EEF1AKMT2: variants seen among roughly 807,000 people sequenced by gnomAD.
EEF1AKMT2 encodes eukaryotic translation elongation factor 1 alpha lysine methyltransferase 2.
A neutral mutation model predicts 35.8 loss-of-function variants in EEF1AKMT2; 32 were observed. The observed-to-expected ratio is 0.89, with a 90% CI of 0.67 to 1.20. The LOEUF is 1.20. EEF1AKMT2 is among the 50% of genes most tolerant of loss of function. The pLI, the probability that EEF1AKMT2 is intolerant of heterozygous loss-of-function variation, is 0.00. For missense variants in EEF1AKMT2, 330 were observed against 347.5 expected (o/e 0.95, Z 0.40); for synonymous variants, 121 against 133.7 (o/e 0.91, Z 0.65).
At chr10:124,774,974 AC>A (rs1950476102) in intron 3 of EEF1AKMT2, 192 bp from the exon 4 acceptor site, 1 of 246,524 alleles carries the variant, frequency 4.1e-6, no homozygotes, top group Admixed American at 5.5e-5. Context: ...CTATGACAAT[AC>A]CTTTGTTTTC....
Position 124,763,832 on chromosome 10 carries a change from T to C in EEF1AKMT2, c.617-1274A>G, listed in dbSNP as rs953471595. Among the ~76,000 whole-genome samples, 11 of 152,118 alleles carry C rather than the reference T, an allele frequency of 7.2e-5. No individual in the cohort carries two copies. In the South Asian group the frequency reaches 1.7e-3, roughly 23 times the overall value. On this transcript the variant is annotated intron_variant, in intron 5 of 6. Coordinates refer to ENST00000368836, the MANE Select transcript of EEF1AKMT2 (RefSeq NM_212554.4). ...TGAGCATTTATTAAAACTGTCAAAG[T>C]TCAGGAAGAGGAAAGACTTATTGAT...
chr10:124,765,655 C>T, intron 4 of EEF1AKMT2, 47 bp from the exon 5 acceptor site: 1 of 1,451,256 alleles, frequency 6.9e-7, no homozygotes, highest in Non-Finnish European at 9.5e-7. Context: ...AAACAAAATC[C>T]TTACAGAATG....
intron 3 of EEF1AKMT2, among the ~76,000 whole-genome samples, chr10:124,780,930 G>C (rs954718104): frequency 6.6e-6 from 1 of 151,802 alleles, no homozygotes; most frequent in African/African-American, 2.4e-5. Context: ...AGAAAACATG[G>C]AAGTCAAAAA....
intron 6 of EEF1AKMT2, among the ~76,000 whole-genome samples, chr10:124,761,711 G>T (rs1950332556): frequency 6.6e-6 from 1 of 152,128 alleles, no homozygotes. Flanking sequence ...ATCACTTAAG[G>T]CTAGGTATTC....
intron 4 of EEF1AKMT2, among the ~76,000 whole-genome samples, 183 bp downstream of exon 4, chr10:124,774,492 A>G (rs1340376490): frequency 6.6e-6 from 1 of 151,736 alleles, no homozygotes. Context: ...ACAAACATAC[A>G]GAAGAAAAAA....
chr10:124,775,340 G>A (rs770903749), intron 3 of EEF1AKMT2, among the ~76,000 whole-genome samples: 7 of 152,120 alleles, frequency 4.6e-5, no homozygotes, highest in Non-Finnish European at 1.0e-4. Flanking sequence ...GAGGTAGGGT[G>A]GGCAGGTATC....
At chr10:124,780,029 C>T (rs970953332) in intron 3 of EEF1AKMT2, among the ~76,000 whole-genome samples, 1 of 152,094 alleles carries the variant, frequency 6.6e-6, no homozygotes, top group Non-Finnish European at 1.5e-5. Context: ...CACGCCACTG[C>T]ACTCCAGCAC....
intron 3 of EEF1AKMT2, among the ~76,000 whole-genome samples, chr10:124,786,232 C>A (rs1012847507): frequency 6.6e-6 from 1 of 152,054 alleles, no homozygotes; most frequent in African/African-American, 2.4e-5. Flanking sequence ...CAGGGCCGGG[C>A]GTGGTGGCTC....
At chr10:124,772,628 A>C (rs1480077411) in intron 4 of EEF1AKMT2, among the ~76,000 whole-genome samples, 2 of 151,888 alleles carry the variant, frequency 1.3e-5, no homozygotes, top group African/African-American at 2.4e-5. Flanking sequence ...CAGTTTCAGC[A>C]TGTCGGCCAG....
intron 4 of EEF1AKMT2, among the ~76,000 whole-genome samples, chr10:124,768,893 C>A (rs983874336): frequency 2.6e-5 from 4 of 151,738 alleles, no homozygotes; most frequent in Non-Finnish European, 5.9e-5. Context: ...TCACAGGGAG[C>A]AATTGAGATA....
At chr10:124,787,199 T>G (rs1950592602) in intron 3 of EEF1AKMT2, among the ~76,000 whole-genome samples, 1 of 152,052 alleles carries the variant, frequency 6.6e-6, no homozygotes, top group Non-Finnish European at 1.5e-5. Flanking sequence ...CCACCTGCCT[T>G]GGCCTCCCAA....
intron 4 of EEF1AKMT2, among the ~76,000 whole-genome samples, chr10:124,773,565 T>C (rs1015451325): frequency 6.6e-6 from 1 of 152,040 alleles, no homozygotes; most frequent in Non-Finnish European, 1.5e-5. Context: ...CTAATTTCAA[T>C]ATTGCTGTGT....
intron 4 of EEF1AKMT2, 140 bp downstream of exon 4, chr10:124,774,535 A>G: frequency 4.6e-6 from 2 of 435,092 alleles, no homozygotes; most frequent in Non-Finnish European, 7.3e-6. Context: ...TTAAATTTTT[A>G]ATATGGCTAT....
chr10:124,768,436 C>T (rs746824030), intron 4 of EEF1AKMT2, among the ~76,000 whole-genome samples: 4 of 152,030 alleles, frequency 2.6e-5, no homozygotes, highest in South Asian at 4.1e-4. Flanking sequence ...TGTTGAAACC[C>T]GGTCTCCACT....
Position 124,765,335 on chromosome 10 carries a change from A to AT in EEF1AKMT2, c.616+56dup. On this transcript the variant is annotated intron_variant, in intron 5 of 6. Coordinates refer to ENST00000368836, the MANE Select transcript of EEF1AKMT2 (RefSeq NM_212554.4). Reference sequence around the variant, plus strand: ...ATAACACAAAACGGGGAGAAAACCTATTTAAGTACATGAAACCTGAGGTAA... The same window carrying AT: ...ATAACACAAAACGGGGAGAAAACCTATTTTAAGTACATGAAACCTGAGGTAA... 3.5e-6 allele frequency: 5 copies of AT among 1,419,678 alleles called. No homozygotes were observed. In the South Asian group the frequency reaches 5.9e-5, roughly 17 times the overall value. The allele number at this position is 1,419,678 out of a possible 1,614,324, so 87.9% of individuals were successfully genotyped here.
At chr10:124,785,730 C>T (rs1436828440) in intron 3 of EEF1AKMT2, among the ~76,000 whole-genome samples, 1 of 151,550 alleles carries the variant, frequency 6.6e-6, no homozygotes, top group Non-Finnish European at 1.5e-5. Flanking sequence ...GCTATGTCTA[C>T]TAAAAATACA....
rs60863408 is a variant in EEF1AKMT2 at position 124,769,248 on chromosome 10, A to ATATATATATATATATATATGTG, written c.400-3641_400-3640insCACATATATATATATATATATA. Among the ~76,000 whole-genome samples, 181 of 63,734 alleles carry ATATATATATATATATATATGTG rather than the reference A, an allele frequency of 2.8e-3. 3 individuals carry two copies. The highest frequency in any genetic ancestry group is 4.8e-3 in the East Asian group (9 of 1,892). 41.8% of individuals were successfully genotyped at this position (63,734 alleles called of 152,430 possible). ...AAAAAAAAAAAATATATATATATAT[A>ATATATATATATATATATATGTG]TGTGTGTATAAATAAAACGAACAGA... On this transcript the variant is annotated intron_variant, in intron 4 of 6. Transcript: ENST00000368836.
In EEF1AKMT2 at chr10:124,765,476, A is replaced by G; in HGVS notation, c.532T>C (p.Ser178Pro). The stretch of plus-strand genomic sequence containing the variant: ...AAGCCTTTTACTTTCAACACCCTGG[A>G]GAGAGATTTCACATATTGCTTCCTC... ...EKRKQYVKSL[S>P]RVLKVKGFFL... is the part of the protein sequence containing the mutation. Residue 178 changes from serine to proline, a missense_variant, in exon 5 of 7, where the codon TCC (serine) becomes CCC (proline). Ser to Pro is a moderately conservative substitution (Grantham distance 74). Transcript: ENST00000368836. 1 of 1,614,042 alleles carries G rather than the reference A, an allele frequency of 6.2e-7. No individual in the cohort carries two copies. Among genetic ancestry groups the G allele is most frequent in the South Asian group, 1.1e-5 (1 of 91,074 alleles).
At position 124,765,375 on chromosome 10, in the gene EEF1AKMT2, A is replaced by G; in HGVS notation, c.616+17T>C. The stretch of plus-strand genomic sequence containing the variant: ...ACCTGAGGTAAGCACACATTTAAAC[A>G]CCATATAGTCACTTACCTTCACTGA... On this transcript the variant is annotated intron_variant, in intron 5 of 6. Transcript: ENST00000368836. 1 of 1,598,864 alleles carries G rather than the reference A, an allele frequency of 6.3e-7. No individual in the cohort carries two copies. The highest frequency in any genetic ancestry group is 8.6e-7 in the Non-Finnish European group (1 of 1,166,578).
Sources: allele counts gnomAD v4.1 joint callset (sites outside exome capture counted in the v4.1 genomes callset), GRCh38; gene constraint gnomAD v4.1.1; transcripts MANE v1.5; gene names NCBI Gene and HGNC (gene_info 2026-07-23, HGNC 2026-07-21).